TRHDE: variants seen among roughly 807,000 people sequenced by gnomAD.
TRHDE encodes thyrotropin releasing hormone degrading enzyme.
Under a neutral mutation model 125.7 loss-of-function variants are expected in TRHDE, and 72 were observed. The observed-to-expected ratio is 0.57, with a 90% confidence interval of 0.47 to 0.70. The LOEUF (loss-of-function observed/expected upper bound fraction) is 0.70, where lower values mean the gene tolerates loss of function less well. Ranked by LOEUF, TRHDE falls within the 30% of genes least tolerant of loss-of-function variation. The pLI, the probability that TRHDE is intolerant of heterozygous loss-of-function variation, is 0.00. For missense variants in TRHDE, 1,110 were observed against 1,327.1 expected (o/e 0.84, Z 2.54); for synonymous variants, 509 against 509.1 (o/e 1.00, Z 0.00).
intron 2 of TRHDE, among the ~76,000 whole-genome samples, chr12:72,331,327 T>A (rs941119870): frequency 5.9e-5 from 9 of 152,234 alleles, no homozygotes; most frequent in Non-Finnish European, 1.2e-4. Flanking sequence ...GCTTGAGTCA[T>A]ATTTTTGACC....
chr12:72,480,556 C>T (rs967830511), intron 5 of TRHDE, among the ~76,000 whole-genome samples: 1 of 152,116 alleles, frequency 6.6e-6, no homozygotes, highest in Non-Finnish European at 1.5e-5. Flanking sequence ...CTTCTGAGCA[C>T]TGTGTTGGGA....
intron 3 of TRHDE, among the ~76,000 whole-genome samples, chr12:72,449,810 A>G (rs1875484464): frequency 6.6e-6 from 1 of 152,030 alleles, no homozygotes; most frequent in African/African-American, 2.4e-5. Flanking sequence ...GGAATTTTTG[A>G]AGTTAACATT....
chr12:72,598,123 G>C (rs764299709), intron 12 of TRHDE, among the ~76,000 whole-genome samples: 6 of 151,986 alleles, frequency 3.9e-5, no homozygotes, highest in South Asian at 4.2e-4. Flanking sequence ...AAACTCAAAT[G>C]GTTTATAGTT....
intron 12 of TRHDE, among the ~76,000 whole-genome samples, chr12:72,617,370 C>G (rs1446177601): frequency 2.0e-5 from 3 of 152,024 alleles, no homozygotes; most frequent in Non-Finnish European, 2.9e-5. Context: ...ATTATAAGCA[C>G]AGGTATAAAC....
intron 15 of TRHDE, among the ~76,000 whole-genome samples, chr12:72,649,760 A>G (rs576944915): frequency 6.6e-6 from 1 of 152,250 alleles, no homozygotes; most frequent in East Asian, 1.9e-4. Flanking sequence ...CAGATGACAT[A>G]GAGGTGGCCA....
At chr12:72,493,324 T>C (rs1565764379) in intron 5 of TRHDE, among the ~76,000 whole-genome samples, 2 of 152,004 alleles carry the variant, frequency 1.3e-5, no homozygotes, top group African/African-American at 2.4e-5. Flanking sequence ...TAAATCTGCC[T>C]ACATTTATAT....
chr12:72,323,104 C>A (rs1322258120), intron 2 of TRHDE, among the ~76,000 whole-genome samples: 1 of 152,024 alleles, frequency 6.6e-6, no homozygotes, highest in Non-Finnish European at 1.5e-5. Flanking sequence ...TCCCTGTGAT[C>A]TTGGGAAAGG....
chr12:72,395,253 C>T (rs1315297473), intron 3 of TRHDE, among the ~76,000 whole-genome samples: 1 of 152,076 alleles, frequency 6.6e-6, no homozygotes, highest in Non-Finnish European at 1.5e-5. Flanking sequence ...TTCCATCACT[C>T]CTCTATCATC....
Position 72,134,268 on chromosome 12 carries a change from G to A in TRHDE, n.279+28516G>A, listed in dbSNP as rs142648913. 2.0e-5 allele frequency among the ~76,000 whole-genome samples: 3 copies of A among 152,166 alleles called. No individual in the cohort carries two copies. In the East Asian group the frequency reaches 5.8e-4, roughly 29 times the overall value. On this transcript the variant is annotated intron_variant and non_coding_transcript_variant, in intron 2 of 4. Coordinates refer to the TRHDE transcript ENST00000548156. ...CAGAAAGAGGGCTGGTCCCTATTAG[G>A]CTTCATCCTACAAATAGGGGTGTCC...
Position 72,591,495 on chromosome 12 carries a change from A to G in TRHDE, c.2321+15953A>G, listed in dbSNP as rs1018224626. 5.9e-5 allele frequency among the ~76,000 whole-genome samples: 9 copies of G among 152,140 alleles called. No individual in the cohort carries two copies. In the East Asian group the frequency reaches 1.2e-3, roughly 20 times the overall value. On this transcript the variant is annotated intron_variant, in intron 12 of 18. Coordinates refer to ENST00000261180, the MANE Select transcript of TRHDE (RefSeq NM_013381.3). ...TGTATGCATATATATACTTTAAAAA[A>G]CCCAAAAGAAAATGTTATAATTTTA... is the stretch of plus-strand genomic sequence containing the variant.
At chr12:72,364,963 C>A (rs1871282354) in intron 2 of TRHDE, among the ~76,000 whole-genome samples, 1 of 152,042 alleles carries the variant, frequency 6.6e-6, no homozygotes. Context: ...CCAAAAAGTG[C>A]AGTTCAATTT....
At chr12:72,203,555 G>A (rs1877605935) in intron 2 of TRHDE, among the ~76,000 whole-genome samples, 1 of 152,052 alleles carries the variant, frequency 6.6e-6, no homozygotes, top group African/African-American at 2.4e-5. Context: ...TATTTAAGAA[G>A]CCCTAGGAAT....
intron 15 of TRHDE, among the ~76,000 whole-genome samples, chr12:72,638,713 C>G (rs983195821): frequency 1.7e-4 from 26 of 151,868 alleles, no homozygotes; most frequent in South Asian, 4.2e-4. Context: ...GTGACAAAAT[C>G]TCTCAGCATT....
chr12:72,156,204 A>G (rs1233663683), intron 2 of TRHDE, among the ~76,000 whole-genome samples: 1 of 152,182 alleles, frequency 6.6e-6, no homozygotes, highest in African/African-American at 2.4e-5. Flanking sequence ...TAGGCATGGG[A>G]TACAATCTCC....
chr12:72,447,388 G>T (rs530865831), intron 3 of TRHDE, among the ~76,000 whole-genome samples: 1 of 152,118 alleles, frequency 6.6e-6, no homozygotes, highest in African/African-American at 2.4e-5. Context: ...GAAATTTATA[G>T]CACTAAATGC....
intron 2 of TRHDE, among the ~76,000 whole-genome samples, chr12:72,252,587 T>C (rs1878709648): frequency 6.6e-6 from 1 of 152,112 alleles, no homozygotes; most frequent in Admixed American, 6.6e-5. Context: ...TTCCTCTCAC[T>C]TTATTCTTCT....
At chr12:72,531,652 T>C (rs949096773) in intron 6 of TRHDE, among the ~76,000 whole-genome samples, 2 of 152,080 alleles carry the variant, frequency 1.3e-5, no homozygotes, top group Admixed American at 1.3e-4. Context: ...ATTTCTTCGT[T>C]GATGTTGTGC....
At chr12:72,562,776 A>C in intron 8 of TRHDE, 77 bp from the exon 9 acceptor site, 4 of 943,314 alleles carry the variant, frequency 4.2e-6, no homozygotes, top group Non-Finnish European at 6.1e-6. Flanking sequence ...GTAAAAATAG[A>C]AATAAAAATG....
chr12:72,538,137 CA>C (rs1404058616), intron 6 of TRHDE, among the ~76,000 whole-genome samples: 1 of 151,928 alleles, frequency 6.6e-6, no homozygotes, highest in East Asian at 1.9e-4. Flanking sequence ...CCATTTCTAC[CA>C]AAGAAAATCA....
Sources: gnomAD v4.1 joint callset for allele counts (sites outside exome capture counted in the v4.1 genomes callset) on GRCh38, gnomAD v4.1.1 for gene constraint, MANE v1.5 for transcripts, NCBI Gene and HGNC (gene_info 2026-07-23, HGNC 2026-07-21) for gene names.